The following CDH13 variants were observed in gnomAD, a reference collection of about 807,000 sequenced individuals.
CDH13 encodes cadherin 13.
Under a neutral mutation model 63.8 loss-of-function variants are expected in CDH13, and 24 were observed. The observed-to-expected ratio is 0.38, with a 90% CI of 0.27 to 0.53. CDH13 has a LOEUF of 0.53. Among genes scored for constraint, CDH13 ranks in the 20% least tolerant of loss-of-function variants. CDH13 has a pLI of 0.85. For missense variants in CDH13, 1,049 were observed against 903.1 expected, an observed-to-expected ratio of 1.16 and a Z score of -2.07; for synonymous variants, 503 against 355.3, an observed-to-expected ratio of 1.42 and a Z score of -4.67.
chr16:82,924,816 G>T (rs1459649407), intron 2 of CDH13, among the ~76,000 whole-genome samples: 1 of 152,000 alleles, frequency 6.6e-6, no homozygotes, highest in Non-Finnish European at 1.5e-5. Context: ...CTAACATCTA[G>T]AATTTTATTA....
intron 4 of CDH13, among the ~76,000 whole-genome samples, chr16:83,214,770 C>T (rs1206766090): frequency 2.0e-5 from 3 of 151,968 alleles, no homozygotes; most frequent in South Asian, 2.1e-4. Context: ...ATTAAACCCT[C>T]GGCAATGCTG....
intron 7 of CDH13, among the ~76,000 whole-genome samples, chr16:83,540,032 G>A (rs1326744467): frequency 6.6e-6 from 1 of 150,722 alleles, no homozygotes. Context: ...GGACAAGACT[G>A]ATTTTTAAAA....
At chr16:83,036,184 C>A (rs1036425847) in intron 3 of CDH13, among the ~76,000 whole-genome samples, 8 of 136,734 alleles carry the variant, frequency 5.9e-5, no homozygotes, top group African/African-American at 2.3e-4. Flanking sequence ...GGTCTCAGTC[C>A]TGTCTCACAG....
At chr16:83,059,193 C>T (rs1489657003) in intron 3 of CDH13, among the ~76,000 whole-genome samples, 2 of 152,184 alleles carry the variant, frequency 1.3e-5, no homozygotes, top group African/African-American at 2.4e-5. Context: ...CTCCCAGATC[C>T]TCTGGGAACC....
chr16:83,677,360 T>C (rs1420370388), intron 9 of CDH13, among the ~76,000 whole-genome samples: 1 of 152,204 alleles, frequency 6.6e-6, no homozygotes, highest in Non-Finnish European at 1.5e-5. Context: ...TCATCAACGC[T>C]GCCCATTGAC....
intron 6 of CDH13, among the ~76,000 whole-genome samples, chr16:83,397,036 C>T (rs1038841541): frequency 6.6e-6 from 1 of 152,134 alleles, no homozygotes; most frequent in South Asian, 2.1e-4. Context: ...AAAAAGCCTG[C>T]AGCTGTGATC....
At chr16:83,150,514 A>G (rs1373465838) in intron 4 of CDH13, among the ~76,000 whole-genome samples, 1 of 152,124 alleles carries the variant, frequency 6.6e-6, no homozygotes, top group East Asian at 1.9e-4. Flanking sequence ...CCACACTCAG[A>G]TACTGACTCA....
At chr16:83,472,776 G>A (rs527817509) in intron 6 of CDH13, among the ~76,000 whole-genome samples, 11 of 152,176 alleles carry the variant, frequency 7.2e-5, no homozygotes, top group African/African-American at 1.9e-4. Flanking sequence ...CTACTGGATC[G>A]AATCTCCTTT....
chr16:83,361,879 A>G (rs891738780), intron 6 of CDH13, among the ~76,000 whole-genome samples: 4 of 151,804 alleles, frequency 2.6e-5, no homozygotes, highest in African/African-American at 4.8e-5. Context: ...GGCTTTGTTC[A>G]TTTTGCTTAG....
chr16:82,920,964 A>T (rs930171083), intron 2 of CDH13, among the ~76,000 whole-genome samples: 8 of 151,882 alleles, frequency 5.3e-5, no homozygotes, highest in Non-Finnish European at 8.8e-5. Context: ...ATTTTATCAA[A>T]TTTTTTTTCT....
At chr16:83,180,833 C>G in intron 4 of CDH13, 6 of 1,419,498 alleles carry the variant, frequency 4.2e-6, no homozygotes, top group South Asian at 1.3e-5. Flanking sequence ...ATTTTAATCC[C>G]CAATTTACAA....
chr16:83,216,625 T>C lies in CDH13; in HGVS notation c.484-720T>C, dbSNP rs190186466. On this transcript the variant is annotated intron_variant, in intron 4 of 13. Coordinates refer to ENST00000567109, the MANE Select transcript of CDH13 (RefSeq NM_001257.5). The stretch of plus-strand genomic sequence containing the variant: ...ATAGGGGTTTAATATATATAATACA[T>C]AGGGGTTTAATATATATATTATATA... Among the ~76,000 whole-genome samples the C allele has an allele frequency of 9.9e-3, 1,426 of 143,832 alleles. 30 individuals carry two copies. Among genetic ancestry groups the C allele is most frequent in the African/African-American group, 0.035 (1,369 of 39,492 alleles). 94.4% of individuals were successfully genotyped at this position (143,832 alleles called of 152,430 possible).
In CDH13 at chr16:82,664,858, T is replaced by G. The variant is rs145308614; in HGVS notation, c.45+37721T>G. The stretch of plus-strand genomic sequence containing the variant: ...ACAGATATTGGTTAAAAGCATTTTG[T>G]ACATATATATTCTTACATATTTGTG... On this transcript the variant is annotated intron_variant, in intron 1 of 13. Transcript: ENST00000567109. Among the ~76,000 whole-genome samples, 75 of 152,358 alleles carry G rather than the reference T, an allele frequency of 4.9e-4. 1 individual carries two copies. Among genetic ancestry groups the G allele is most frequent in the African/African-American group, 1.7e-3 (70 of 41,592 alleles).
At chr16:83,432,518 C>A (rs1338552449) in intron 6 of CDH13, among the ~76,000 whole-genome samples, 1 of 152,144 alleles carries the variant, frequency 6.6e-6, no homozygotes, top group South Asian at 2.1e-4. Flanking sequence ...GCAAGGATCC[C>A]CTCCTCTCCT....
chr16:82,812,522 G>C (rs931755892), intron 1 of CDH13, among the ~76,000 whole-genome samples: 1 of 152,092 alleles, frequency 6.6e-6, no homozygotes, highest in Non-Finnish European at 1.5e-5. Flanking sequence ...AAGCAGAGAG[G>C]GTGCTTCAGT....
intron 10 of CDH13, among the ~76,000 whole-genome samples, chr16:83,711,188 T>C (rs1907990678): frequency 6.6e-6 from 1 of 152,224 alleles, no homozygotes; most frequent in Admixed American, 6.5e-5. Flanking sequence ...ATTTTGAAGC[T>C]ATCCCATTAG....
At chr16:83,154,976 C>T (rs1034927733) in intron 4 of CDH13, among the ~76,000 whole-genome samples, 2 of 152,212 alleles carry the variant, frequency 1.3e-5, no homozygotes, top group African/African-American at 2.4e-5. Flanking sequence ...AAAAAATCCC[C>T]TCTGAAAAAT....
chr16:83,068,408 A>G (rs1204075329), intron 3 of CDH13, among the ~76,000 whole-genome samples: 1 of 152,122 alleles, frequency 6.6e-6, no homozygotes, highest in African/African-American at 2.4e-5. Context: ...AACTTTGGAG[A>G]CTAGTCACAT....
chr16:82,834,078 G>C (rs922855077), intron 1 of CDH13, among the ~76,000 whole-genome samples: 3 of 152,134 alleles, frequency 2.0e-5, no homozygotes, highest in Non-Finnish European at 4.4e-5. Context: ...GCTTTCAAAA[G>C]ATAAGATATG....
Sources: gnomAD v4.1 joint callset for allele counts (sites outside exome capture counted in the v4.1 genomes callset) on GRCh38, gnomAD v4.1.1 for gene constraint, MANE v1.5 for transcripts, NCBI Gene and HGNC (gene_info 2026-07-23, HGNC 2026-07-21) for gene names.